The following KIAA0232 variants were observed in gnomAD, a reference collection of about 807,000 sequenced individuals.
KIAA0232 encodes the protein KIAA0232.
Under a neutral mutation model 122.0 loss-of-function variants are expected in KIAA0232, and 27 were observed. The ratio of observed to expected loss-of-function variants is 0.22; its 90% CI spans 0.16 to 0.31. The LOEUF is 0.31. Among genes scored for constraint, KIAA0232 ranks in the 10% least tolerant of loss-of-function variants. KIAA0232 has a pLI of 1.00. For synonymous variants in KIAA0232, 613 were observed against 587.6 expected, an observed-to-expected ratio of 1.04 and a Z score of -0.63; for missense variants, 1,551 against 1,634.2, an observed-to-expected ratio of 0.95 and a Z score of 0.88.
chr4:6,837,915 G>T (rs573896744), intron 3 of KIAA0232, among the ~76,000 whole-genome samples: 1 of 151,990 alleles, frequency 6.6e-6, no homozygotes, highest in South Asian at 2.1e-4. Flanking sequence ...AAAGGGGAGA[G>T]GGGGAGGGGG....
chr4:6,848,306 G>A (rs576855635), intron 4 of KIAA0232, among the ~76,000 whole-genome samples: 61 of 152,266 alleles, frequency 4.0e-4, no homozygotes, highest in African/African-American at 1.3e-3. Flanking sequence ...AGTATGTCAC[G>A]GCAGTGTTTA....
At chr4:6,835,770 C>A (rs1299573604) in intron 3 of KIAA0232, among the ~76,000 whole-genome samples, 2 of 152,192 alleles carry the variant, frequency 1.3e-5, no homozygotes, top group Non-Finnish European at 2.9e-5. Context: ...TTTTCATCTT[C>A]ATCTGTGTCC....
intron 9 of KIAA0232, among the ~76,000 whole-genome samples, chr4:6,879,524 C>G (rs1436619689): frequency 6.6e-6 from 1 of 152,212 alleles, no homozygotes; most frequent in Non-Finnish European, 1.5e-5. Flanking sequence ...TCTCCCCTTA[C>G]TCTGTGTGGC....
intron 1 of KIAA0232, among the ~76,000 whole-genome samples, chr4:6,799,651 T>C (rs1247196578): frequency 6.6e-6 from 1 of 152,154 alleles, no homozygotes; most frequent in Non-Finnish European, 1.5e-5. Flanking sequence ...TTCTGTTTTT[T>C]ACACATTGGG....
Position 6,824,572 on chromosome 4 carries a change from A to G in KIAA0232, c.119A>G (p.Gln40Arg). 1 of 1,614,244 alleles carries G rather than the reference A, an allele frequency of 6.2e-7. No homozygotes were observed. Among genetic ancestry groups the G allele is most frequent in the South Asian group, 1.1e-5 (1 of 91,082 alleles). ...CTGCTTCATGCTTTGGGTCCAGTGCAGACCTGGCTGGGACAAGAGCTCGAG... is the reference window on the plus strand; with the variant it reads ...CTGCTTCATGCTTTGGGTCCAGTGCGGACCTGGCTGGGACAAGAGCTCGAG... The part of the protein sequence containing the change: ...MSLLHALGPV[Q>R]TWLGQELEKC... Residue 40 changes from glutamine to arginine, a missense_variant, in exon 3 of 10, where the codon CAG (glutamine) becomes CGG (arginine). Physicochemically the swap from Gln to Arg is conservative, Grantham distance 43. Coordinates refer to ENST00000307659, the MANE Select transcript of KIAA0232 (RefSeq NM_014743.3).
intron 7 of KIAA0232, among the ~76,000 whole-genome samples, chr4:6,871,288 G>A (rs905469400): frequency 7.2e-5 from 11 of 152,058 alleles, no homozygotes; most frequent in African/African-American, 2.7e-4. Flanking sequence ...CAAAAAATGA[G>A]CCAGACATGG....
chr4:6,868,490 T>G (rs1721300809), intron 7 of KIAA0232, among the ~76,000 whole-genome samples: 1 of 152,162 alleles, frequency 6.6e-6, no homozygotes, highest in African/African-American at 2.4e-5. Context: ...GGCAGGAGTT[T>G]GCTGTGTTAT....
chr4:6,846,671 C>T (rs561403865), intron 4 of KIAA0232, among the ~76,000 whole-genome samples: 1 of 151,956 alleles, frequency 6.6e-6, no homozygotes, highest in Non-Finnish European at 1.5e-5. Context: ...AAAGAACCCT[C>T]TTTAACTATT....
intron 4 of KIAA0232, among the ~76,000 whole-genome samples, chr4:6,853,488 G>A (rs996964283): frequency 3.9e-5 from 6 of 152,146 alleles, no homozygotes; most frequent in African/African-American, 7.2e-5. Context: ...GGGTCATGTG[G>A]TTAACCCTGG....
chr4:6,795,788 A>G (rs1056765107), intron 1 of KIAA0232, among the ~76,000 whole-genome samples: 10 of 152,182 alleles, frequency 6.6e-5, no homozygotes, highest in African/African-American at 2.4e-4. Context: ...ACTGGGTCTC[A>G]CTATGTTGCC....
Position 6,840,902 on chromosome 4 carries a change from C to A in KIAA0232, c.232-1165C>A, listed in dbSNP as rs145314367. On this transcript the variant is annotated intron_variant, in intron 3 of 9. Transcript: ENST00000307659. ...GAAATATCTTGGTTCTTTTTATACT[C>A]ATTTCTTTAAGCTGTGATTAACAAT... 3.0e-3 allele frequency among the ~76,000 whole-genome samples: 461 copies of A among 152,032 alleles called. 3 individuals carry two copies. Among genetic ancestry groups the A allele is most frequent in the African/African-American group, 0.011 (441 of 41,480 alleles).
At position 6,861,727 on chromosome 4, in the gene KIAA0232, T is replaced by C. The variant is rs1458491701; in HGVS notation, c.1345T>C (p.Cys449Arg). 4 of 1,614,058 alleles carry C rather than the reference T, an allele frequency of 2.5e-6. No homozygotes were observed. The highest frequency in any genetic ancestry group is 3.4e-6 in the Non-Finnish European group (4 of 1,180,042). The change falls in exon 7 of 10, where the codon TGT (cysteine) becomes CGT (arginine). Residue 449 changes from cysteine to arginine, a missense_variant. Around this residue, in one of 5 missense-constraint regions of KIAA0232, gnomAD observed 1,108 missense variants for 1,154.8 expected, o/e 0.96. Coordinates refer to ENST00000307659, the MANE Select transcript of KIAA0232 (RefSeq NM_014743.3). The stretch of plus-strand genomic sequence containing the variant: ...ATTGTCTGAATCAGTGCATGGTCTT[T>C]GTATCAGCAACAATAATCTTCATAA... Reference protein sequence around the residue: ...EELSESVHGLCISNNNLHKTY... With the variant: ...EELSESVHGLRISNNNLHKTY...
At chr4:6,807,078 C>CTATCTATT (rs1717659130) in intron 2 of KIAA0232, among the ~76,000 whole-genome samples, 1 of 138,810 alleles carries the variant, frequency 7.2e-6, no homozygotes, top group Non-Finnish European at 1.6e-5. Context: ...ATCTATCTAT[C>CTATCTATT]TATTTAAGAC....
At chr4:6,864,236 C>T in intron 7 of KIAA0232, 53 bp downstream of exon 7, 2 of 1,506,788 alleles carry the variant, frequency 1.3e-6, no homozygotes, top group East Asian at 4.6e-5. Flanking sequence ...GAGTTTAACC[C>T]AAGAACAGAC....
intron 1 of KIAA0232, among the ~76,000 whole-genome samples, chr4:6,784,036 C>A (rs1577348134): frequency 6.6e-6 from 1 of 152,016 alleles, no homozygotes; most frequent in Non-Finnish European, 1.5e-5. Context: ...GCAGAACTGT[C>A]TTGATTTCTT....
chr4:6,867,456 T>G (rs1721245545), intron 7 of KIAA0232, among the ~76,000 whole-genome samples: 1 of 152,114 alleles, frequency 6.6e-6, no homozygotes, highest in Non-Finnish European at 1.5e-5. Context: ...CGGTTAAGAG[T>G]AGCACAGATG....
intron 2 of KIAA0232, among the ~76,000 whole-genome samples, chr4:6,817,569 A>G (rs956583840): frequency 2.0e-5 from 3 of 152,204 alleles, no homozygotes; most frequent in Non-Finnish European, 4.4e-5. Flanking sequence ...AAGCTTTTCC[A>G]GACATCTTGA....
rs755202629 is a variant in KIAA0232 at position 6,880,980 on chromosome 4, T to C, written c.*14T>C. 3.4e-6 allele frequency: 5 copies of C among 1,453,752 alleles called. No homozygotes were observed. Among genetic ancestry groups the C allele is most frequent in the Non-Finnish European group, 4.6e-6 (5 of 1,094,540 alleles). The allele number at this position is 1,453,752 out of a possible 1,614,324, so 90.1% of individuals were successfully genotyped here. The stretch of plus-strand genomic sequence containing the variant: ...ACTCATCTCTAAACCTGCAAAATAG[T>C]ACAAATTATTGTTTAAAAATGATAT... On this transcript the variant is annotated 3_prime_UTR_variant, in exon 10 of 10. Transcript: ENST00000307659.
At chr4:6,842,281 A>T in intron 4 of KIAA0232, 77 bp downstream of exon 4, 1 of 1,422,662 alleles carries the variant, frequency 7.0e-7, no homozygotes, top group Non-Finnish European at 9.5e-7. Flanking sequence ...TGACAACTTG[A>T]CCTCCAAAAA....
Sources: allele counts gnomAD v4.1 joint callset (sites outside exome capture counted in the v4.1 genomes callset), GRCh38; gene constraint gnomAD v4.1.1; regional missense constraint gnomAD v4.1.1; transcripts MANE v1.5; gene names NCBI Gene and HGNC (gene_info 2026-07-23, HGNC 2026-07-21).